The following TBXAS1 variants were observed in gnomAD, a reference collection of about 807,000 sequenced individuals.
The protein encoded by TBXAS1 is thromboxane A synthase 1.
In TBXAS1, 48 loss-of-function variants were observed where a neutral mutation model predicts 60.7. The observed-to-expected ratio is 0.79, with a 90% CI of 0.63 to 1.01. The LOEUF (loss-of-function observed/expected upper bound fraction) is 1.01. Among genes scored for constraint, TBXAS1 ranks in the 50% least tolerant of loss-of-function variants. The pLI is 0.00. For synonymous variants in TBXAS1, 287 were observed against 269.7 expected (o/e 1.06, Z -0.63); for missense variants, 685 against 686.3 (o/e 1.00, Z 0.02).
At chr7:139,909,979 C>T (rs902168864) in intron 3 of TBXAS1, among the ~76,000 whole-genome samples, 1 of 152,152 alleles carries the variant, frequency 6.6e-6, no homozygotes, top group Non-Finnish European at 1.5e-5. Flanking sequence ...AGCCAGCAGA[C>T]CCTCACCTCC....
At position 139,905,002 on chromosome 7, in the gene TBXAS1, TC is replaced by T. The variant is rs1304191817; in HGVS notation, c.237-6222del. Among the ~76,000 whole-genome samples, 236 of 85,718 alleles carry T rather than the reference TC, an allele frequency of 2.8e-3. 4 individuals are homozygous for T. Among genetic ancestry groups the T allele is most frequent in the South Asian group, 7.3e-3 (17 of 2,326 alleles). The allele number at this position is 85,718 out of a possible 152,430, so 56.2% of individuals were successfully genotyped here. A position where few individuals can be genotyped will look rare whatever the true frequency, so the allele number is the denominator to read the frequency against. On this transcript the variant is annotated intron_variant, in intron 3 of 12. Transcript: ENST00000448866. The stretch of plus-strand genomic sequence containing the variant: ...CTTTCTCTTTCTCTCTTTCTCTCTT[TC>T]TCTCTTTCTTTCTTTCTTTCTTTCT...
chr7:139,961,587 G>A (rs1378199735), intron 8 of TBXAS1, among the ~76,000 whole-genome samples: 1 of 152,226 alleles, frequency 6.6e-6, no homozygotes, highest in Admixed American at 6.5e-5. Flanking sequence ...GAGCCACAGT[G>A]CATACTGTTC....
At chr7:139,843,462 C>A (rs1348484281) in intron 1 of TBXAS1, among the ~76,000 whole-genome samples, 8 of 152,158 alleles carry the variant, frequency 5.3e-5, no homozygotes, top group Non-Finnish European at 1.2e-4. Context: ...CCTGCCTCAG[C>A]CTCCTGAGTA....
chr7:139,870,712 G>A (rs889952240), intron 1 of TBXAS1, among the ~76,000 whole-genome samples: 4 of 152,176 alleles, frequency 2.6e-5, no homozygotes, highest in Non-Finnish European at 5.9e-5. Flanking sequence ...GGAGCCATAC[G>A]GTGGAAATCT....
At chr7:139,941,719 A>G (rs1369994181) in intron 5 of TBXAS1, among the ~76,000 whole-genome samples, 4 of 152,218 alleles carry the variant, frequency 2.6e-5, no homozygotes, top group Admixed American at 6.5e-5. Flanking sequence ...ACAACTGTAG[A>G]TTTAGATTTT....
At chr7:140,019,411 G>T (rs62490131) in intron 12 of TBXAS1, among the ~76,000 whole-genome samples, 1 of 152,066 alleles carries the variant, frequency 6.6e-6, no homozygotes. Flanking sequence ...CTCCCAAAAC[G>T]CTGCTTATGC....
rs554752632 is a variant in TBXAS1, at chr7:139,892,488, G to A, written c.236+16851G>A. On this transcript the variant is annotated intron_variant, in intron 3 of 12. Transcript: ENST00000448866. The stretch of plus-strand genomic sequence containing the variant: ...CGCACCTGTAATCCCAGCTACTCAG[G>A]AGGCTGAGGCAGGAGAATAGCTTGA... Among the ~76,000 whole-genome samples the A allele has an allele frequency of 3.3e-5, 5 of 152,242 alleles. No individual in the cohort carries two copies. In the East Asian group the frequency reaches 7.7e-4, roughly 23 times the overall value.
chr7:139,874,594 C>T (rs1257369039), intron 2 of TBXAS1, among the ~76,000 whole-genome samples: 3 of 152,170 alleles, frequency 2.0e-5, no homozygotes, highest in Non-Finnish European at 4.4e-5. Context: ...TGCAGGACAT[C>T]CACACTCCTA....
At chr7:139,872,409 C>T in intron 2 of TBXAS1, 81 bp downstream of exon 2, 2 of 1,394,970 alleles carry the variant, frequency 1.4e-6, no homozygotes, top group Non-Finnish European at 1.0e-6. Context: ...AATCCCAGCA[C>T]TTTGGGAGGC....
At chr7:139,974,395 G>A (rs1013253350) in intron 9 of TBXAS1, among the ~76,000 whole-genome samples, 5 of 152,118 alleles carry the variant, frequency 3.3e-5, no homozygotes, top group Non-Finnish European at 5.9e-5. Context: ...CCCTCACACC[G>A]GGCCAACCTG....
chr7:139,874,455 C>T (rs370890562), intron 2 of TBXAS1, among the ~76,000 whole-genome samples: 7 of 152,270 alleles, frequency 4.6e-5, no homozygotes, highest in Admixed American at 3.3e-4. Context: ...AGCTACAAGC[C>T]CTGCCAAGTT....
At chr7:139,936,968 T>C (rs1281792916) in intron 5 of TBXAS1, among the ~76,000 whole-genome samples, 1 of 151,930 alleles carries the variant, frequency 6.6e-6, no homozygotes, top group Non-Finnish European at 1.5e-5. Context: ...CCCTGGACAC[T>C]CTCCTTTCCC....
rs17161226 is a variant in TBXAS1 at position 139,909,603 on chromosome 7, C to T, written c.237-1622C>T. Among the ~76,000 whole-genome samples the T allele has an allele frequency of 9.1e-3, 1,393 of 152,276 alleles. 15 individuals are homozygous for T. Among genetic ancestry groups the T allele is most frequent in the South Asian group, 0.027 (132 of 4,824 alleles). ...TACGATGACTCAGGTAAATGTTTTCCAAGTGCCTAATATGTGCCAGACAAA... is the reference window on the plus strand; with the variant it reads ...TACGATGACTCAGGTAAATGTTTTCTAAGTGCCTAATATGTGCCAGACAAA... On this transcript the variant is annotated intron_variant, in intron 3 of 12. Coordinates refer to ENST00000448866, the MANE Select transcript of TBXAS1 (RefSeq NM_001061.7).
intron 4 of TBXAS1, among the ~76,000 whole-genome samples, chr7:139,798,403 G>A (rs1187112483): frequency 1.3e-5 from 2 of 152,176 alleles, no homozygotes; most frequent in African/African-American, 2.4e-5. Flanking sequence ...GTGAGCAGAG[G>A]AAGCCAGGTG....
intron 5 of TBXAS1, among the ~76,000 whole-genome samples, 183 bp downstream of exon 5, chr7:139,936,490 C>T (rs1324526036): frequency 1.3e-5 from 2 of 152,170 alleles, no homozygotes; most frequent in African/African-American, 2.4e-5. Flanking sequence ...GAGCGTCTTT[C>T]GTCTCTCCAG....
At chr7:139,864,923 T>C (rs1406880497) in intron 1 of TBXAS1, among the ~76,000 whole-genome samples, 2 of 152,170 alleles carry the variant, frequency 1.3e-5, no homozygotes, top group Non-Finnish European at 2.9e-5. Flanking sequence ...TGATTTGGCT[T>C]CTCAAGTACC....
chr7:139,809,395 C>T (rs929418412), intron 4 of TBXAS1, among the ~76,000 whole-genome samples: 2 of 151,698 alleles, frequency 1.3e-5, no homozygotes, highest in South Asian at 4.2e-4. Flanking sequence ...GAGATAGATA[C>T]ATAGGTAAAT....
chr7:139,879,664 A>T (rs1295580676), intron 3 of TBXAS1, among the ~76,000 whole-genome samples: 6 of 152,052 alleles, frequency 3.9e-5, no homozygotes, highest in African/African-American at 1.4e-4. Context: ...TTGGATAGAG[A>T]TTATATCCCC....
intron 1 of TBXAS1, among the ~76,000 whole-genome samples, chr7:139,847,767 G>C (rs1239342401): frequency 6.6e-6 from 1 of 152,168 alleles, no homozygotes; most frequent in African/African-American, 2.4e-5. Flanking sequence ...TACCTAAACT[G>C]AATTAACAGT....
Sources: allele counts gnomAD v4.1 joint callset (sites outside exome capture counted in the v4.1 genomes callset), GRCh38; gene constraint gnomAD v4.1.1; transcripts MANE v1.5; gene names NCBI Gene and HGNC (gene_info 2026-07-23, HGNC 2026-07-21).